SLC71A1: variants seen among roughly 807,000 people sequenced by gnomAD.
The protein encoded by SLC71A1 is solute carrier family 71 member 1.
At chr1:100,071,254 C>T in the SLC71A1 span, among the ~76,000 whole-genome samples, 1 of 129,884 alleles carries the variant, frequency 7.7e-6, no homozygotes, top group Admixed American at 9.5e-5. Flanking sequence ...GAGTTCAAGA[C>T]CAGCTCAAGC....
the SLC71A1 span, chr1:100,080,473 G>T: frequency 6.3e-7 from 1 of 1,597,556 alleles, no homozygotes; most frequent in South Asian, 1.1e-5. Context: ...TTTACTAAGT[G>T]ATAATTTGTT....
At chr1:100,071,289 C>CAA in the SLC71A1 span, among the ~76,000 whole-genome samples, 85 of 53,380 alleles carry the variant, frequency 1.6e-3, 1 homozygote, top group African/African-American at 4.8e-3. Flanking sequence ...CCATCTCTAC[C>CAA]AAAAAAAAAA....
At chr1:100,056,260 CAT>C in the SLC71A1 span, among the ~76,000 whole-genome samples, 1 of 152,186 alleles carries the variant, frequency 6.6e-6, no homozygotes. Flanking sequence ...TAATTGAGAA[CAT>C]GTGAAGTTTC....
At chr1:100,039,419 T>TCAGAA in the SLC71A1 span, among the ~76,000 whole-genome samples, 1 of 152,214 alleles carries the variant, frequency 6.6e-6, no homozygotes, top group African/African-American at 2.4e-5. Context: ...TTATGACATT[T>TCAGAA]CAGAACACGG....
the SLC71A1 span, among the ~76,000 whole-genome samples, chr1:100,038,996 G>T: frequency 1.3e-5 from 2 of 152,198 alleles, no homozygotes; most frequent in Non-Finnish European, 2.9e-5. Flanking sequence ...AAGATCAAAA[G>T]TATTAGAATC....
At chr1:100,040,555 G>T in the SLC71A1 span, among the ~76,000 whole-genome samples, 3 of 152,094 alleles carry the variant, frequency 2.0e-5, no homozygotes, top group Non-Finnish European at 4.4e-5. Flanking sequence ...CCGCCTCCTG[G>T]GTTCAAGTGA....
the SLC71A1 span, among the ~76,000 whole-genome samples, chr1:100,053,510 C>A: frequency 6.6e-6 from 1 of 152,150 alleles, no homozygotes; most frequent in South Asian, 2.1e-4. Flanking sequence ...TCTTTCATTT[C>A]CCTGTCCCTC....
chr1:100,039,542 G>A, the SLC71A1 span, among the ~76,000 whole-genome samples: 1 of 152,112 alleles, frequency 6.6e-6, no homozygotes, highest in African/African-American at 2.4e-5. Flanking sequence ...TTGAAAAAAA[G>A]AAACAAATTC....
At chr1:100,080,695 C>T in the SLC71A1 span, 1 of 1,575,016 alleles carries the variant, frequency 6.3e-7, no homozygotes, top group South Asian at 1.1e-5. Context: ...TTGTATGGTT[C>T]ATTTGGCTAG....
the SLC71A1 span, chr1:100,069,792 T>TC: frequency 1.9e-5 from 14 of 751,424 alleles, no homozygotes; most frequent in Non-Finnish European, 1.4e-5. Flanking sequence ...AAGTCAGGAG[T>TC]CTGAGGTTGA....
the SLC71A1 span, among the ~76,000 whole-genome samples, chr1:100,055,183 G>T: frequency 1.3e-5 from 2 of 152,154 alleles, no homozygotes; most frequent in Non-Finnish European, 2.9e-5. Flanking sequence ...TTCATACCTA[G>T]AAAGATTTGG....
the SLC71A1 span, among the ~76,000 whole-genome samples, chr1:100,071,289 CAAAAA>C: frequency 7.5e-5 from 4 of 53,388 alleles, no homozygotes; most frequent in East Asian, 1.8e-3. Context: ...CCATCTCTAC[CAAAAA>C]AAAAAAAAAA....
At chr1:100,063,862 A>G in the SLC71A1 span, among the ~76,000 whole-genome samples, 6 of 152,310 alleles carry the variant, frequency 3.9e-5, no homozygotes, top group South Asian at 2.1e-4. Flanking sequence ...AGAAATGGCT[A>G]CCAAGTGGAG....
chr1:100,078,646 G>A, the SLC71A1 span: 2 of 824,904 alleles, frequency 2.4e-6, no homozygotes, highest in South Asian at 1.9e-5. Context: ...ATATCTTCAG[G>A]GTAGAGACTT....
chr1:100,079,380 A>G, the SLC71A1 span: 2 of 150,834 alleles, frequency 1.3e-5, no homozygotes, highest in African/African-American at 4.9e-5. Context: ...TTTTGGTGGG[A>G]ACATTTAATT....
the SLC71A1 span, among the ~76,000 whole-genome samples, chr1:100,040,939 T>G: frequency 6.6e-6 from 1 of 152,184 alleles, no homozygotes; most frequent in African/African-American, 2.4e-5. Flanking sequence ...GGCTCTATGG[T>G]CGGTACATGA....
At chr1:100,059,775 A>T in the SLC71A1 span, 1 of 977,016 alleles carries the variant, frequency 1.0e-6, no homozygotes, top group Non-Finnish European at 1.5e-6. Context: ...TATTTACTTT[A>T]GAAACAAAGT....
the SLC71A1 span, chr1:100,067,826 C>G: frequency 1.5e-6 from 1 of 673,874 alleles, no homozygotes; most frequent in Admixed American, 2.7e-5. Context: ...CTCGCCCCCA[C>G]AAGAAAAAAA....
At chr1:100,059,827 G>T in the SLC71A1 span, 2 of 1,468,626 alleles carry the variant, frequency 1.4e-6, no homozygotes, top group South Asian at 1.5e-5. Context: ...TTTATTTTTG[G>T]TTCATGCTCA....
Sources: allele counts gnomAD v4.1 joint callset (sites outside exome capture counted in the v4.1 genomes callset), GRCh38; gene constraint gnomAD v4.1.1; transcripts MANE v1.5; gene names NCBI Gene and HGNC (gene_info 2026-07-23, HGNC 2026-07-21).